TMC7: variants seen among roughly 807,000 people sequenced by gnomAD.
TMC7 encodes the protein transmembrane channel like 7.
A neutral mutation model predicts 82.9 loss-of-function variants in TMC7; 54 were observed. The observed-to-expected ratio is 0.65, with a 90% CI of 0.52 to 0.82. The LOEUF (loss-of-function observed/expected upper bound fraction) is 0.82. Ranked by LOEUF, TMC7 falls within the 40% of genes least tolerant of loss-of-function variation. The probability of loss-of-function intolerance (pLI) is 0.00; values close to 1 mark genes in which losing one functional copy is unlikely to be tolerated. For missense variants in TMC7, 820 were observed against 901.2 expected, an observed-to-expected ratio of 0.91 and a Z score of 1.15; for synonymous variants, 350 against 337.9, an observed-to-expected ratio of 1.04 and a Z score of -0.39.
At chr16:18,988,086 G>T (rs2038884184) in intron 1 of TMC7, among the ~76,000 whole-genome samples, 1 of 151,646 alleles carries the variant, frequency 6.6e-6, no homozygotes, top group African/African-American at 2.4e-5. Flanking sequence ...CTCCTGCCTT[G>T]GCCTCCCAAA....
chr16:19,049,986 A>G (rs1961451035), intron 12 of TMC7, among the ~76,000 whole-genome samples: 1 of 152,176 alleles, frequency 6.6e-6, no homozygotes, highest in African/African-American at 2.4e-5. Flanking sequence ...GTGCTTGTAA[A>G]AAACTTCAAA....
chr16:19,039,240 G>A (rs1960901261), intron 8 of TMC7, among the ~76,000 whole-genome samples: 3 of 151,782 alleles, frequency 2.0e-5, no homozygotes, highest in South Asian at 2.1e-4. Flanking sequence ...ACAGGCACCC[G>A]CCAACACACC....
At chr16:19,057,053 C>T (rs564525357) in intron 14 of TMC7, among the ~76,000 whole-genome samples, 2 of 152,190 alleles carry the variant, frequency 1.3e-5, no homozygotes, top group South Asian at 2.1e-4. Flanking sequence ...GCATGAGAAT[C>T]GCTTGAACCT....
chr16:19,050,514 G>A (rs969414037), intron 12 of TMC7, among the ~76,000 whole-genome samples: 1 of 151,152 alleles, frequency 6.6e-6, no homozygotes. Flanking sequence ...TTTTTGAGAC[G>A]GGGTCTCACC....
chr16:19,027,539 C>A (rs1960293975), intron 5 of TMC7, among the ~76,000 whole-genome samples: 1 of 152,098 alleles, frequency 6.6e-6, no homozygotes, highest in Admixed American at 6.6e-5. Context: ...AGCTCATTAT[C>A]AAATCAGAAA....
chr16:19,039,549 AATT>A (rs1395459488), intron 8 of TMC7, among the ~76,000 whole-genome samples: 1 of 152,158 alleles, frequency 6.6e-6, no homozygotes. Flanking sequence ...CCTTGGCCAG[AATT>A]TAGTCACATG....
chr16:19,019,164 T>C (rs1296309669), intron 3 of TMC7, among the ~76,000 whole-genome samples: 1 of 152,238 alleles, frequency 6.6e-6, no homozygotes, highest in African/African-American at 2.4e-5. Flanking sequence ...TTATCTATTT[T>C]ACAGCAAAAC....
intron 1 of TMC7, among the ~76,000 whole-genome samples, chr16:18,987,085 G>T (rs2038864688): frequency 6.6e-6 from 1 of 151,924 alleles, no homozygotes; most frequent in African/African-American, 2.4e-5. Flanking sequence ...GATTACAGGT[G>T]TGAGCCACCG....
intron 11 of TMC7, among the ~76,000 whole-genome samples, chr16:19,046,208 G>A (rs1014827397): frequency 6.6e-6 from 1 of 152,160 alleles, no homozygotes; most frequent in Admixed American, 6.6e-5. Context: ...CCTGTCTCCC[G>A]ATCTGGGTTC....
chr16:19,057,443 C>T (rs77996852), intron 14 of TMC7, among the ~76,000 whole-genome samples: 92 of 152,258 alleles, frequency 6.0e-4, no homozygotes, highest in Non-Finnish European at 1.1e-3. Flanking sequence ...ATGAAATCAT[C>T]GCAATTACTC....
chr16:19,050,796 C>T (rs774236286), intron 12 of TMC7, among the ~76,000 whole-genome samples: 5 of 152,110 alleles, frequency 3.3e-5, no homozygotes, highest in East Asian at 1.9e-4. Flanking sequence ...CCACCACGCC[C>T]GGCCTCATCC....
chr16:18,993,128 G>A (rs890588387), intron 1 of TMC7, among the ~76,000 whole-genome samples: 2 of 152,134 alleles, frequency 1.3e-5, no homozygotes, highest in Admixed American at 6.6e-5. Context: ...ATAGTGTGGT[G>A]GAGATAGCTG....
intron 9 of TMC7, among the ~76,000 whole-genome samples, chr16:19,041,208 AAC>A (rs1960998221): frequency 6.6e-6 from 1 of 151,300 alleles, no homozygotes; most frequent in African/African-American, 2.4e-5. Flanking sequence ...AAAGTTTTCA[AAC>A]AGAATGCATA....
intron 15 of TMC7, among the ~76,000 whole-genome samples, chr16:19,060,254 G>A (rs1206260709): frequency 6.6e-6 from 1 of 152,064 alleles, no homozygotes; most frequent in Non-Finnish European, 1.5e-5. Flanking sequence ...GCCCAGGCTG[G>A]AGTGCGATTG....
chr16:18,991,105 G>T (rs62044206), intron 1 of TMC7, among the ~76,000 whole-genome samples: 1 of 151,992 alleles, frequency 6.6e-6, no homozygotes, highest in Admixed American at 6.6e-5. Context: ...TGCTTCGAGC[G>T]GGACTAGGGG....
intron 2 of TMC7, among the ~76,000 whole-genome samples, chr16:19,009,629 A>C (rs1358737888): frequency 6.6e-6 from 1 of 152,018 alleles, no homozygotes; most frequent in Non-Finnish European, 1.5e-5. Context: ...AAGACACCCA[A>C]ACATACTCAA....
chr16:19,049,519 A>G, intron 12 of TMC7: 1 of 593,284 alleles, frequency 1.7e-6, no homozygotes, highest in Non-Finnish European at 2.1e-6. Flanking sequence ...GAATGTTCTG[A>G]TGCTTTCACT....
At chr16:18,986,774 C>T (rs1038035543) in intron 1 of TMC7, among the ~76,000 whole-genome samples, 4 of 151,994 alleles carry the variant, frequency 2.6e-5, no homozygotes, top group African/African-American at 9.7e-5. Flanking sequence ...GTCTTTGCAT[C>T]TGCTGTTCTC....
intron 3 of TMC7, 74 bp from the exon 4 acceptor site, chr16:19,021,555 T>A: frequency 6.7e-7 from 1 of 1,494,096 alleles, no homozygotes; most frequent in Non-Finnish European, 9.1e-7. Flanking sequence ...CTTCAGCTTT[T>A]GTGGCTGATT....
Sources: gnomAD v4.1 joint callset for allele counts (sites outside exome capture counted in the v4.1 genomes callset) on GRCh38, gnomAD v4.1.1 for gene constraint, MANE v1.5 for transcripts, NCBI Gene and HGNC (gene_info 2026-07-23, HGNC 2026-07-21) for gene names.